XPR1: variants seen among roughly 807,000 people sequenced by gnomAD.
The protein encoded by XPR1 is xenotropic and polytropic retrovirus receptor 1, also known as solute carrier family 53 member 1.
XPR1 carries 28 observed loss-of-function variants against 87.5 expected under a neutral mutation model. The ratio of observed to expected loss-of-function variants is 0.32; its 90% CI spans 0.24 to 0.44. XPR1 has a LOEUF of 0.44. Among genes scored for constraint, XPR1 ranks in the 20% least tolerant of loss-of-function variants. XPR1 has a pLI of 1.00. For synonymous variants in XPR1, 300 were observed against 306.1 expected, an observed-to-expected ratio of 0.98 and a Z score of 0.21; for missense variants, 559 against 862.3, an observed-to-expected ratio of 0.65 and a Z score of 4.41.
At chr1:180,651,910 TG>T (rs1260696583) in intron 1 of XPR1, among the ~76,000 whole-genome samples, 2 of 152,252 alleles carry the variant, frequency 1.3e-5, no homozygotes, top group African/African-American at 4.8e-5. Flanking sequence ...ACTGATGTGC[TG>T]ATTTTAGATA....
chr1:180,711,631 G>C (rs1017266578), intron 2 of XPR1, among the ~76,000 whole-genome samples: 2 of 151,964 alleles, frequency 1.3e-5, no homozygotes, highest in Non-Finnish European at 1.5e-5. Flanking sequence ...AGGGGGGAGA[G>C]TTCTTTTTAT....
intron 1 of XPR1, among the ~76,000 whole-genome samples, chr1:180,653,423 T>C (rs1176593851): frequency 1.3e-5 from 2 of 152,156 alleles, no homozygotes; most frequent in Admixed American, 1.3e-4. Context: ...TTTTAGAAAG[T>C]AAGATGGCAC....
intron 2 of XPR1, among the ~76,000 whole-genome samples, chr1:180,704,641 C>A (rs1657490834): frequency 6.6e-6 from 1 of 150,948 alleles, no homozygotes; most frequent in African/African-American, 2.4e-5. Context: ...TGATTAAATT[C>A]TCATCTTTGG....
chr1:180,671,620 G>A (rs1242501187), intron 1 of XPR1, among the ~76,000 whole-genome samples: 2 of 152,074 alleles, frequency 1.3e-5, no homozygotes, highest in African/African-American at 2.4e-5. Context: ...CACCTCCTGG[G>A]TTCAAATGAT....
chr1:180,803,749 T>C (rs1649881247), intron 4 of XPR1, 138 bp downstream of exon 4: 1 of 702,914 alleles, frequency 1.4e-6, no homozygotes. Context: ...TTGGGGTTCC[T>C]ACTGGCTAAA....
At chr1:180,788,202 A>G (rs535956297) in intron 3 of XPR1, among the ~76,000 whole-genome samples, 1 of 152,282 alleles carries the variant, frequency 6.6e-6, no homozygotes, top group South Asian at 2.1e-4. Flanking sequence ...CTTATCAGTG[A>G]TGGCAGTTTT....
intron 12 of XPR1, among the ~76,000 whole-genome samples, chr1:180,865,614 A>G (rs1652364438): frequency 6.6e-6 from 1 of 152,034 alleles, no homozygotes; most frequent in South Asian, 2.1e-4. Context: ...GTTAGCCAGG[A>G]TGGTCTCAGT....
intron 1 of XPR1, among the ~76,000 whole-genome samples, chr1:180,650,993 G>A (rs1655275501): frequency 1.3e-5 from 2 of 152,034 alleles, no homozygotes; most frequent in African/African-American, 4.8e-5. Context: ...TAAGTCAACA[G>A]ATATTTATTT....
At chr1:180,671,878 G>T (rs193276536) in intron 1 of XPR1, among the ~76,000 whole-genome samples, 1 of 152,114 alleles carries the variant, frequency 6.6e-6, no homozygotes, top group African/African-American at 2.4e-5. Context: ...GTGAGCCACC[G>T]CGTCTAGCCA....
intron 2 of XPR1, among the ~76,000 whole-genome samples, chr1:180,723,035 C>A (rs575982846): frequency 1.3e-5 from 2 of 152,098 alleles, no homozygotes; most frequent in African/African-American, 4.8e-5. Flanking sequence ...ACCGATAAAC[C>A]ACATAGCTTT....
Position 180,863,727 on chromosome 1 carries a change from T to C in XPR1, c.1521T>C (p.Thr507=). 6.3e-7 allele frequency: 1 copy of C among 1,595,496 alleles called. No individual in the cohort carries two copies. Among genetic ancestry groups the C allele is most frequent in the Non-Finnish European group, 8.5e-7 (1 of 1,173,190 alleles). ...STHKERGHSD[T]MVFFYLWIVF... ...CTTCAGAACGAGGTCACTCGGACAC[T>C]ATGGTGTTCTTTTACCTGTGGATTG... Residue 507 remains threonine (T), a synonymous_variant, in exon 12 of 15, where the codon ACT becomes ACC. Transcript: ENST00000367590.
chr1:180,655,049 A>G (rs1655408851), intron 1 of XPR1, among the ~76,000 whole-genome samples: 1 of 152,120 alleles, frequency 6.6e-6, no homozygotes, highest in Admixed American at 6.6e-5. Flanking sequence ...ATTTCCACCA[A>G]CAGTGCACAA....
chr1:180,718,953 C>T (rs998199213), intron 2 of XPR1, among the ~76,000 whole-genome samples: 1 of 152,208 alleles, frequency 6.6e-6, no homozygotes, highest in African/African-American at 2.4e-5. Context: ...AGGCATGAGC[C>T]ACTGTACCCA....
rs1571263419 is a variant in XPR1, at chr1:180,888,100, A to G, written c.*4034A>G. 6.6e-6 allele frequency: 1 copy of G among 152,196 alleles called. No individual in the cohort carries two copies. Among genetic ancestry groups the G allele is most frequent in the African/African-American group, 2.4e-5 (1 of 41,450 alleles). 9.4% of individuals were successfully genotyped at this position (152,196 alleles called of 1,614,324 possible). A position where few individuals can be genotyped will look rare whatever the true frequency, so the allele number is the denominator to read the frequency against. On this transcript the variant is annotated 3_prime_UTR_variant, in exon 15 of 15. Coordinates refer to ENST00000367590, the MANE Select transcript of XPR1 (RefSeq NM_004736.4). Reference sequence around the variant, plus strand: ...CTGATGACGCGAAGGTGATGCCTCCATCTGTCCGCTTAGTGGTTATTAAAT... The same window carrying G: ...CTGATGACGCGAAGGTGATGCCTCCGTCTGTCCGCTTAGTGGTTATTAAAT...
At chr1:180,771,262 T>A (rs1011954495) in intron 2 of XPR1, among the ~76,000 whole-genome samples, 1 of 152,214 alleles carries the variant, frequency 6.6e-6, no homozygotes, top group Non-Finnish European at 1.5e-5. Context: ...TAAGTCATTC[T>A]CTTGATTAAG....
At chr1:180,756,089 G>T (rs1406496550) in intron 2 of XPR1, among the ~76,000 whole-genome samples, 1 of 152,200 alleles carries the variant, frequency 6.6e-6, no homozygotes, top group Non-Finnish European at 1.5e-5. Flanking sequence ...AGTCTGTCAT[G>T]TGCCATCTGA....
chr1:180,840,067 C>T (rs58845755), intron 11 of XPR1, among the ~76,000 whole-genome samples: 6,510 of 151,276 alleles, frequency 0.043, 496 homozygotes, highest in African/African-American at 0.15. Flanking sequence ...ACTAAAAATA[C>T]AAAAAATTAG....
intron 9 of XPR1, among the ~76,000 whole-genome samples, chr1:180,826,979 C>A (rs1301057719): frequency 6.6e-6 from 1 of 151,622 alleles, no homozygotes; most frequent in African/African-American, 2.4e-5. Context: ...CATGGCAAAA[C>A]CCCATCTCTA....
chr1:180,762,947 A>G (rs79250299), intron 2 of XPR1, among the ~76,000 whole-genome samples: 3,223 of 152,262 alleles, frequency 0.021, 118 homozygotes, highest in African/African-American at 0.072. Context: ...AAAGGCATGG[A>G]TCACCAGCGA....
Sources: allele counts gnomAD v4.1 joint callset (sites outside exome capture counted in the v4.1 genomes callset), GRCh38; gene constraint gnomAD v4.1.1; transcripts MANE v1.5; gene names NCBI Gene and HGNC (gene_info 2026-07-23, HGNC 2026-07-21).